MGMT: variants seen among roughly 807,000 people sequenced by gnomAD.
MGMT encodes the protein O-6-methylguanine-DNA methyltransferase.
Under a neutral mutation model 15.9 loss-of-function variants are expected in MGMT, and 14 were observed. That is an observed-to-expected ratio of 0.88 (90% CI 0.58 to 1.37). The LOEUF (loss-of-function observed/expected upper bound fraction) is 1.37, where lower values mean the gene tolerates loss of function less well. Among genes scored for constraint, MGMT ranks in the 40% most tolerant of loss-of-function variants. The pLI, the probability that MGMT is intolerant of heterozygous loss-of-function variation, is 0.00. For synonymous variants in MGMT, 130 were observed against 118.2 expected, an observed-to-expected ratio of 1.10 and a Z score of -0.65; for missense variants, 282 against 268.1, an observed-to-expected ratio of 1.05 and a Z score of -0.36.
intron 2 of MGMT, among the ~76,000 whole-genome samples, chr10:129,570,313 A>G (rs1279842434): frequency 6.6e-6 from 1 of 152,252 alleles, no homozygotes; most frequent in Non-Finnish European, 1.5e-5. Context: ...TCTGCAAGTC[A>G]GCAGCACCCG....
chr10:129,693,160 C>T (rs774300677), intron 2 of MGMT, among the ~76,000 whole-genome samples: 13 of 152,260 alleles, frequency 8.5e-5, no homozygotes, highest in Non-Finnish European at 1.5e-4. Context: ...AACCTGGGAC[C>T]ACAGGAAAGG....
chr10:129,521,838 T>A (rs1845814485), intron 1 of MGMT, among the ~76,000 whole-genome samples: 2 of 152,224 alleles, frequency 1.3e-5, no homozygotes, highest in African/African-American at 4.8e-5. Flanking sequence ...CCGGTGCTAG[T>A]GCCAGCATGG....
At chr10:129,678,717 T>C (rs1406373636) in intron 2 of MGMT, among the ~76,000 whole-genome samples, 1 of 152,152 alleles carries the variant, frequency 6.6e-6, no homozygotes, top group Non-Finnish European at 1.5e-5. Context: ...CAGGATCCAC[T>C]ATGCTACGTG....
At chr10:129,598,795 C>CCCCTCCTGGGCTCACACT (rs1277310202) in intron 2 of MGMT, among the ~76,000 whole-genome samples, 1 of 152,112 alleles carries the variant, frequency 6.6e-6, no homozygotes, top group Admixed American at 6.5e-5. Flanking sequence ...TTGCCCACAC[C>CCCCTCCTGGGCTCACACT]CCCTCCTGGG....
At chr10:129,570,972 G>A (rs1484034253) in intron 2 of MGMT, among the ~76,000 whole-genome samples, 1 of 152,216 alleles carries the variant, frequency 6.6e-6, no homozygotes, top group African/African-American at 2.4e-5. Context: ...TTGGTTATAT[G>A]TGGCTGAGCA....
intron 2 of MGMT, among the ~76,000 whole-genome samples, chr10:129,677,638 C>G (rs1197985606): frequency 1.3e-5 from 2 of 152,240 alleles, no homozygotes; most frequent in Non-Finnish European, 2.9e-5. Context: ...CAGCTCAACA[C>G]CTGCCTGCCT....
At chr10:129,746,238 C>T (rs1349897538) in intron 3 of MGMT, among the ~76,000 whole-genome samples, 1 of 104,882 alleles carries the variant, frequency 9.5e-6, no homozygotes, top group East Asian at 2.6e-4. Flanking sequence ...GACTCTGTCT[C>T]AAAAAAAAAA....
chr10:129,688,011 T>TA (rs1302007682), intron 2 of MGMT, among the ~76,000 whole-genome samples: 1 of 152,204 alleles, frequency 6.6e-6, no homozygotes, highest in African/African-American at 2.4e-5. Flanking sequence ...TCCATGTCCC[T>TA]ATAAAAGACA....
Position 129,768,172 on chromosome 10 carries a change from C to T in MGMT, c.*1175C>T, listed in dbSNP as rs1169392190. On this transcript the variant is annotated 3_prime_UTR_variant, in exon 5 of 5. Coordinates refer to ENST00000651593, the MANE Select transcript of MGMT (RefSeq NM_002412.5). ...AGGCCTGGATGAAAATGTGGCCTCA[C>T]GATGTGTATGGTTGGGACCCGCCTT... Among the ~76,000 whole-genome samples, 2 of 152,168 alleles carry T rather than the reference C, an allele frequency of 1.3e-5. No individual in the cohort carries two copies. Among genetic ancestry groups the T allele is most frequent in the Non-Finnish European group, 2.9e-5 (2 of 68,032 alleles).
chr10:129,642,178 C>A (rs1204421605), intron 2 of MGMT, among the ~76,000 whole-genome samples: 1 of 151,990 alleles, frequency 6.6e-6, no homozygotes, highest in African/African-American at 2.4e-5. Context: ...CTCTTCACTC[C>A]CTACATGAGG....
intron 2 of MGMT, among the ~76,000 whole-genome samples, chr10:129,627,135 A>G (rs1424469126): frequency 6.6e-6 from 1 of 152,238 alleles, no homozygotes; most frequent in Admixed American, 6.5e-5. Context: ...TGTAATTAGA[A>G]GCTCAACTTG....
rs553364161 is a variant in MGMT at position 129,467,526 on chromosome 10, G to A, written c.-13+230G>A. On this transcript the variant is annotated intron_variant, in intron 1 of 4. Coordinates refer to ENST00000651593, the MANE Select transcript of MGMT (RefSeq NM_002412.5). ...ACTAGGCTGCGCTGCAGTGACTGTG[G>A]ACTGGCGTGTGGCGGGGGTCGTGGC... is the stretch of plus-strand genomic sequence containing the variant. The A allele has an allele frequency of 9.0e-4, 690 of 764,108 alleles. 1 individual carries two copies. The African/African-American group carries it at 0.012, about 13-fold the overall frequency. The allele number at this position is 764,108 out of a possible 1,614,324, so 47.3% of individuals were successfully genotyped here. A position where few individuals can be genotyped will look rare whatever the true frequency, so the allele number is the denominator to read the frequency against.
chr10:129,587,704 G>A (rs1170798774), intron 2 of MGMT, among the ~76,000 whole-genome samples: 4 of 151,412 alleles, frequency 2.6e-5, no homozygotes, highest in Non-Finnish European at 5.9e-5. Flanking sequence ...CCAAAGTGCT[G>A]GGATTACAGG....
intron 2 of MGMT, among the ~76,000 whole-genome samples, chr10:129,559,088 C>T (rs572335587): frequency 7.9e-5 from 12 of 152,270 alleles, no homozygotes; most frequent in African/African-American, 2.2e-4. Context: ...GTTTCTGCGT[C>T]GGAACGTGGT....
intron 2 of MGMT, among the ~76,000 whole-genome samples, chr10:129,680,801 T>C (rs1162151337): frequency 6.6e-6 from 1 of 152,176 alleles, no homozygotes; most frequent in East Asian, 1.9e-4. Flanking sequence ...TGTGGCCCCT[T>C]GTGCCCAGCG....
chr10:129,548,304 C>T (rs958556786), intron 2 of MGMT, among the ~76,000 whole-genome samples: 1 of 152,174 alleles, frequency 6.6e-6, no homozygotes, highest in Non-Finnish European at 1.5e-5. Flanking sequence ...AAAATATATG[C>T]TCCTGAAACT....
chr10:129,657,454 G>A (rs1458693764), intron 2 of MGMT, among the ~76,000 whole-genome samples: 2 of 151,656 alleles, frequency 1.3e-5, no homozygotes, highest in Non-Finnish European at 2.9e-5. Context: ...GCCCTGAGGC[G>A]CCCCTTGTCT....
chr10:129,698,812 A>G (rs1481205745), intron 2 of MGMT, among the ~76,000 whole-genome samples: 1 of 152,220 alleles, frequency 6.6e-6, no homozygotes, highest in Non-Finnish European at 1.5e-5. Context: ...AATTAGTTTC[A>G]GTGAAAGAAT....
At chr10:129,552,861 T>G (rs1285504551) in intron 2 of MGMT, among the ~76,000 whole-genome samples, 1 of 152,250 alleles carries the variant, frequency 6.6e-6, no homozygotes, top group African/African-American at 2.4e-5. Context: ...TGTGTCACCT[T>G]TTAACGTTTT....
Sources: gnomAD v4.1 joint callset for allele counts (sites outside exome capture counted in the v4.1 genomes callset) on GRCh38, gnomAD v4.1.1 for gene constraint, MANE v1.5 for transcripts, NCBI Gene and HGNC (gene_info 2026-07-23, HGNC 2026-07-21) for gene names.